Variants in FMN2 observed in about 807,000 individuals in gnomAD.
FMN2 encodes the protein formin-2.
A neutral mutation model predicts 142.3 loss-of-function variants in FMN2; 51 were observed. That is an observed-to-expected ratio of 0.36 (90% CI 0.29 to 0.45). The LOEUF is 0.45. FMN2 is among the 20% of genes least tolerant of loss of function. FMN2 has a pLI of 1.00. For synonymous variants in FMN2, 882 were observed against 869.8 expected, an observed-to-expected ratio of 1.01 and a Z score of -0.25; for missense variants, 1,936 against 2,122.8, an observed-to-expected ratio of 0.91 and a Z score of 1.73.
chr1:240,431,407 T>TATATAC, intron 15 of FMN2, among the ~76,000 whole-genome samples: 1 of 145,684 alleles, frequency 6.9e-6, no homozygotes, highest in African/African-American at 2.5e-5. Flanking sequence ...ATGTTTTATA[T>TATATAC]ATATATATAT....
At chr1:240,184,279 C>G (rs7548811) in intron 3 of FMN2, among the ~76,000 whole-genome samples, 28,845 of 136,898 alleles carry the variant, frequency 0.21, 3,227 homozygotes, top group African/African-American at 0.26. Context: ...CTCTGTCGCC[C>G]AGGCTGGAGT....
intron 1 of FMN2, among the ~76,000 whole-genome samples, chr1:240,097,072 G>C (rs1397635699): frequency 1.3e-5 from 2 of 152,116 alleles, no homozygotes; most frequent in African/African-American, 4.8e-5. Context: ...GATATCCAAC[G>C]TGTTAAATTT....
At chr1:240,430,459 G>C (rs1170401753) in intron 15 of FMN2, among the ~76,000 whole-genome samples, 1 of 151,940 alleles carries the variant, frequency 6.6e-6, no homozygotes. Context: ...GTATGAAATG[G>C]CATAATGGTA....
intron 8 of FMN2, among the ~76,000 whole-genome samples, chr1:240,318,101 G>A (rs12023809): frequency 0.062 from 9,422 of 152,178 alleles, 371 homozygotes; most frequent in South Asian, 0.12. Flanking sequence ...GCTCATTTGC[G>A]CCACCTCAGA....
intron 4 of FMN2, among the ~76,000 whole-genome samples, chr1:240,191,761 A>G (rs1388394795): frequency 2.0e-5 from 3 of 152,338 alleles, no homozygotes; most frequent in East Asian, 1.9e-4. Flanking sequence ...TTTTGAAATT[A>G]TATATACAAT....
intron 5 of FMN2, among the ~76,000 whole-genome samples, chr1:240,209,627 G>A (rs955092128): frequency 4.0e-5 from 6 of 149,426 alleles, no homozygotes; most frequent in Non-Finnish European, 8.9e-5. Flanking sequence ...AGCCCTGTCC[G>A]GGTGCGGTGG....
chr1:240,322,441 C>T (rs1013061148), intron 8 of FMN2, among the ~76,000 whole-genome samples: 1 of 152,122 alleles, frequency 6.6e-6, no homozygotes, highest in African/African-American at 2.4e-5. Flanking sequence ...TTTCTCTCTT[C>T]CTTGCCAGGC....
chr1:240,322,726 TGG>T (rs1218571737), intron 8 of FMN2, among the ~76,000 whole-genome samples: 2 of 152,146 alleles, frequency 1.3e-5, no homozygotes, highest in African/African-American at 4.8e-5. Flanking sequence ...AAGGGCACTG[TGG>T]GGGATGGAAA....
At chr1:240,386,420 G>A (rs955429396) in intron 14 of FMN2, among the ~76,000 whole-genome samples, 33 of 152,164 alleles carry the variant, frequency 2.2e-4, no homozygotes, top group Admixed American at 2.1e-3. Flanking sequence ...AGGGTTCTGA[G>A]TTGCCTTCCA....
chr1:240,145,420 G>T, intron 2 of FMN2: 1 of 410,136 alleles, frequency 2.4e-6, no homozygotes, highest in Non-Finnish European at 4.3e-6. Flanking sequence ...TGGATACATA[G>T]TAATATATAT....
At chr1:240,333,533 A>G (rs750563146) in intron 11 of FMN2, among the ~76,000 whole-genome samples, 3 of 152,180 alleles carry the variant, frequency 2.0e-5, no homozygotes, top group Admixed American at 6.5e-5. Context: ...CTTTTAATAT[A>G]GTAGTTTTAA....
chr1:240,365,431 G>T (rs895102208), intron 14 of FMN2, among the ~76,000 whole-genome samples: 3 of 151,048 alleles, frequency 2.0e-5, no homozygotes, highest in Non-Finnish European at 4.4e-5. Context: ...ATATTTCTTT[G>T]TTTTATATTT....
intron 2 of FMN2, chr1:240,145,497 C>A: frequency 1.5e-5 from 3 of 202,454 alleles, no homozygotes; most frequent in Non-Finnish European, 2.8e-5. Flanking sequence ...AATGTTTTTA[C>A]TACAATGAGG....
At chr1:240,293,402 C>T (rs1000567861) in intron 7 of FMN2, among the ~76,000 whole-genome samples, 1 of 152,014 alleles carries the variant, frequency 6.6e-6, no homozygotes, top group African/African-American at 2.4e-5. Flanking sequence ...AATCAGAAAC[C>T]TTTGGATTCA....
At chr1:240,266,358 G>A (rs1668803183) in intron 7 of FMN2, among the ~76,000 whole-genome samples, 1 of 151,908 alleles carries the variant, frequency 6.6e-6, no homozygotes, top group African/African-American at 2.4e-5. Flanking sequence ...TAAATAGGGA[G>A]TCCTTTCCCC....
intron 14 of FMN2, among the ~76,000 whole-genome samples, chr1:240,372,266 T>C (rs1271153147): frequency 6.6e-6 from 1 of 152,182 alleles, no homozygotes; most frequent in East Asian, 1.9e-4. Context: ...AAAAGTCATC[T>C]AACTCATATG....
At chr1:240,148,409 GAGAC>G (rs1213325796) in intron 2 of FMN2, among the ~76,000 whole-genome samples, 3 of 151,258 alleles carry the variant, frequency 2.0e-5, no homozygotes, top group African/African-American at 4.9e-5. Flanking sequence ...CAGAGAGACA[GAGAC>G]AGACAGGAAA....
At chr1:240,184,364 G>A (rs1665292998) in intron 3 of FMN2, among the ~76,000 whole-genome samples, 2 of 147,072 alleles carry the variant, frequency 1.4e-5, no homozygotes, top group African/African-American at 2.5e-5. Flanking sequence ...AGCCTCCCGA[G>A]TAGCTGGGAC....
At chr1:240,142,580 C>T (rs750430795) in intron 2 of FMN2, 58 of 1,345,576 alleles carry the variant, frequency 4.3e-5, no homozygotes, top group Middle Eastern at 5.4e-4. Flanking sequence ...ACAATTCCCC[C>T]GGAAGTCTGC....
Sources: gnomAD v4.1 joint callset for allele counts (sites outside exome capture counted in the v4.1 genomes callset) on GRCh38, gnomAD v4.1.1 for gene constraint, MANE v1.5 for transcripts, NCBI Gene and HGNC (gene_info 2026-07-23, HGNC 2026-07-21) for gene names.